Variants in ANKRD28 observed in about 807,000 individuals in gnomAD.
ANKRD28 encodes the protein serine/threonine-protein phosphatase 6 regulatory ankyrin repeat subunit A.
In ANKRD28, 44 loss-of-function variants were observed where a neutral mutation model predicts 126.5. The ratio of observed to expected loss-of-function variants is 0.35; its 90% CI spans 0.27 to 0.45. ANKRD28 has a LOEUF of 0.45. Among genes scored for constraint, ANKRD28 ranks in the 20% least tolerant of loss-of-function variants. The pLI is 1.00. For synonymous variants in ANKRD28, 442 were observed against 468.5 expected (o/e 0.94, Z 0.73); for missense variants, 1,110 against 1,316.6 (o/e 0.84, Z 2.43).
chr3:15,769,199 T>C (rs2058885551), intron 2 of ANKRD28, among the ~76,000 whole-genome samples: 1 of 152,208 alleles, frequency 6.6e-6, no homozygotes, highest in Non-Finnish European at 1.5e-5. Context: ...TATGACTCAA[T>C]GCCTCTCGAA....
upstream of ANKRD28, chr3:15,798,118 T>C: frequency 1.0e-6 from 1 of 985,302 alleles, no homozygotes; most frequent in Non-Finnish European, 1.2e-6. Context: ...GAAAAATGAG[T>C]GCGCTTTTAA....
At chr3:15,721,386 T>G (rs1294493779) in intron 7 of ANKRD28, among the ~76,000 whole-genome samples, 1 of 152,212 alleles carries the variant, frequency 6.6e-6, no homozygotes, top group Non-Finnish European at 1.5e-5. Flanking sequence ...CAAAACTGAA[T>G]AATACAAAAG....
In ANKRD28 at chr3:15,845,655, T is replaced by G. The variant is rs997492484; in HGVS notation, c.27+13722A>C. Among the ~76,000 whole-genome samples the G allele has an allele frequency of 5.9e-5, 9 of 152,192 alleles. No homozygotes were observed. The highest frequency in any genetic ancestry group is 1.7e-4 in the African/African-American group (7 of 41,452). On this transcript the variant is annotated intron_variant, in intron 1 of 27. Coordinates refer to the ANKRD28 transcript ENST00000399451. The surrounding 1 kb of genome is among the most constrained non-coding windows in gnomAD (Gnocchi z 4.9). ...TTTAAAAGCCAGCTGTTGTTAACCTTCACGTATTAGTCCACTCTCACACTG... is the reference window on the plus strand; with the variant it reads ...TTTAAAAGCCAGCTGTTGTTAACCTGCACGTATTAGTCCACTCTCACACTG...
chr3:15,676,177 C>T, intron 26 of ANKRD28, 188 bp from the exon 27 acceptor site: 1 of 418,014 alleles, frequency 2.4e-6, no homozygotes, highest in South Asian at 7.8e-5. Flanking sequence ...ACTGTCACAC[C>T]TTGTCAACGT....
chr3:15,746,847 T>C (rs1013583140), intron 4 of ANKRD28, among the ~76,000 whole-genome samples: 3 of 152,202 alleles, frequency 2.0e-5, no homozygotes, highest in African/African-American at 7.2e-5. Context: ...TTGCTGGCAA[T>C]TTTTAAAATT....
intron 4 of ANKRD28, among the ~76,000 whole-genome samples, chr3:15,737,701 A>T (rs1249645393): frequency 6.6e-6 from 1 of 151,920 alleles, no homozygotes; most frequent in Non-Finnish European, 1.5e-5. Context: ...CCTGGCCTCA[A>T]GTGATCCTCC....
chr3:15,716,849 C>A (rs747260169), intron 8 of ANKRD28, among the ~76,000 whole-genome samples: 3 of 152,120 alleles, frequency 2.0e-5, no homozygotes, highest in Admixed American at 6.5e-5. Context: ...ATAATTCCAG[C>A]GCTTGGGGAG....
At chr3:15,679,661 C>T (rs924305996) in intron 21 of ANKRD28, 98 bp from the exon 22 acceptor site, 2 of 878,602 alleles carry the variant, frequency 2.3e-6, no homozygotes, top group Non-Finnish European at 3.6e-6. Flanking sequence ...GTAAAAGTCT[C>T]TCCCTCATCC....
At chr3:15,820,109 T>C (rs1276111728) in intron 1 of ANKRD28, among the ~76,000 whole-genome samples, 1 of 152,194 alleles carries the variant, frequency 6.6e-6, no homozygotes, top group African/African-American at 2.4e-5. Flanking sequence ...GTAGGAAACA[T>C]GATGAATCAA....
At position 15,838,598 on chromosome 3, in the gene ANKRD28, C is replaced by T. The variant is rs558425155; in HGVS notation, c.27+20779G>A. Among the ~76,000 whole-genome samples the T allele has an allele frequency of 9.2e-5, 14 of 151,740 alleles. No individual in the cohort carries two copies. The highest frequency in any genetic ancestry group is 4.2e-4 in the South Asian group (2 of 4,796). On this transcript the variant is annotated intron_variant, in intron 1 of 27. Coordinates refer to the ANKRD28 transcript ENST00000399451. This position sits in a 1 kb window ranked among gnomAD's most constrained non-coding sequence, Gnocchi z 4.0. ...CCATTTCTACTAAAAATACAAAAAA[C>T]TTAGTCGGGCATGGTGGCACATGCC...
chr3:15,758,187 GA>G (rs1434508120), intron 3 of ANKRD28, among the ~76,000 whole-genome samples: 1 of 152,164 alleles, frequency 6.6e-6, no homozygotes, highest in African/African-American at 2.4e-5. Flanking sequence ...CTAAATCACA[GA>G]GGAGATAGTC....
At chr3:15,831,349 C>T (rs1310821302) in intron 1 of ANKRD28, among the ~76,000 whole-genome samples, 1 of 152,208 alleles carries the variant, frequency 6.6e-6, no homozygotes, top group Non-Finnish European at 1.5e-5. Context: ...ATCCAAATTG[C>T]ACTGCCAAAC....
chr3:15,703,409 T>C (rs903225089), intron 14 of ANKRD28, among the ~76,000 whole-genome samples: 12 of 152,112 alleles, frequency 7.9e-5, no homozygotes, highest in African/African-American at 2.9e-4. Context: ...TATTAGGAGG[T>C]GGGGCCTTTA....
chr3:15,799,287 C>T (rs1009110847), upstream of ANKRD28, among the ~76,000 whole-genome samples: 14 of 150,592 alleles, frequency 9.3e-5, no homozygotes, highest in Admixed American at 4.0e-4. Context: ...TAAATGGGTA[C>T]TTCAAAGCAA....
In ANKRD28 at chr3:15,668,483, G is replaced by T. The variant is rs2066093941; in HGVS notation, c.*1787C>A. The stretch of plus-strand genomic sequence containing the variant: ...TTCTTTATATTATAAAGAAAAGATG[G>T]GGGATTAGATTTATAATTTCTGTAA... On this transcript the variant is annotated 3_prime_UTR_variant, in exon 28 of 28. Transcript: ENST00000683139. 6.6e-6 allele frequency: 1 copy of T among 152,176 alleles called. No individual in the cohort carries two copies. The highest frequency in any genetic ancestry group is 2.4e-5 in the African/African-American group (1 of 41,282). 9.4% of individuals were successfully genotyped at this position (152,176 alleles called of 1,614,324 possible). A position where few individuals can be genotyped will look rare whatever the true frequency, so the allele number is the denominator to read the frequency against.
intron 2 of ANKRD28, among the ~76,000 whole-genome samples, chr3:15,780,968 TAAAC>T: frequency 6.6e-6 from 1 of 151,820 alleles, no homozygotes; most frequent in South Asian, 2.1e-4. Context: ...TATAAAACTA[TAAAC>T]AAGGCGGGGA....
chr3:15,691,124 T>C lies in ANKRD28; in HGVS notation c.1762-904A>G, dbSNP rs991282032. Among the ~76,000 whole-genome samples, 4 of 151,378 alleles carry C rather than the reference T, an allele frequency of 2.6e-5. No homozygotes were observed. The South Asian group carries it at 8.3e-4, about 31-fold the overall frequency. ...CTGAAGATTTGTCAGACTGAAGTTG[T>C]CTTTTTTTTTTTTTTTTGAGACGGA... On this transcript the variant is annotated intron_variant, in intron 17 of 27. Transcript: ENST00000683139.
intron 17 of ANKRD28, among the ~76,000 whole-genome samples, chr3:15,691,334 AG>A (rs1241079252): frequency 6.6e-6 from 1 of 152,104 alleles, no homozygotes; most frequent in Non-Finnish European, 1.5e-5. Flanking sequence ...CATGTTGGCC[AG>A]GATGGTCTCG....
In ANKRD28 at chr3:15,750,339, A is replaced by C. The variant is rs536723506; in HGVS notation, c.351+1411T>G. Reference sequence around the variant, plus strand: ...CATCTTTATGGAGAGCTAACCACAAAATTAATAACATTACAATGGAATTTC... The same window carrying C: ...CATCTTTATGGAGAGCTAACCACAACATTAATAACATTACAATGGAATTTC... On this transcript the variant is annotated intron_variant, in intron 4 of 27. Coordinates refer to ENST00000683139, the MANE Select transcript of ANKRD28 (RefSeq NM_001349278.2). Among the ~76,000 whole-genome samples the C allele has an allele frequency of 6.3e-4, 96 of 152,358 alleles. 1 individual carries two copies. The South Asian group carries it at 0.019, about 31-fold the overall frequency.
Sources: gnomAD v4.1 joint callset for allele counts (sites outside exome capture counted in the v4.1 genomes callset) on GRCh38, gnomAD v4.1.1 for gene constraint, Gnocchi (gnomAD v3.1) non-coding constraint, MANE v1.5 for transcripts, NCBI Gene and HGNC (gene_info 2026-07-23, HGNC 2026-07-21) for gene names.